The following CSMD3 variants were observed in gnomAD, a reference collection of about 807,000 sequenced individuals.
The protein encoded by CSMD3 is CUB and sushi domain-containing protein 3.
CSMD3 carries 177 observed loss-of-function variants against 435.2 expected under a neutral mutation model. The ratio of observed to expected loss-of-function variants is 0.41; its 90% CI spans 0.36 to 0.46. The LOEUF (loss-of-function observed/expected upper bound fraction) is 0.46, where lower values mean the gene tolerates loss of function less well. Among genes scored for constraint, CSMD3 ranks in the 20% least tolerant of loss-of-function variants. CSMD3 has a pLI of 0.34. For synonymous variants in CSMD3, 1,656 were observed against 1,520.5 expected, an observed-to-expected ratio of 1.09 and a Z score of -2.07; for missense variants, 4,265 against 4,504.6, an observed-to-expected ratio of 0.95 and a Z score of 1.52.
At chr8:112,707,147 T>A (rs1045881505) in intron 13 of CSMD3, among the ~76,000 whole-genome samples, 3 of 152,074 alleles carry the variant, frequency 2.0e-5, no homozygotes, top group Non-Finnish European at 2.9e-5. Context: ...AGCCCAATAG[T>A]CACCATCAAA....
intron 1 of CSMD3, among the ~76,000 whole-genome samples, chr8:113,390,293 A>G (rs1255218367): frequency 6.6e-6 from 1 of 151,728 alleles, no homozygotes; most frequent in Non-Finnish European, 1.5e-5. Context: ...TACACCCAAC[A>G]TATCAATGCC....
chr8:113,328,532 G>A (rs1253297086), intron 1 of CSMD3, among the ~76,000 whole-genome samples: 3 of 151,662 alleles, frequency 2.0e-5, no homozygotes, highest in Non-Finnish European at 4.4e-5. Context: ...GCAGAAGCTA[G>A]GATAGCCATG....
At chr8:112,382,291 CA>C (rs11384093) in intron 37 of CSMD3, among the ~76,000 whole-genome samples, 1,534 of 116,734 alleles carry the variant, frequency 0.013, 28 homozygotes, top group African/African-American at 0.042. Flanking sequence ...CTCTAAAATG[CA>C]AAAAAAAAAA....
At chr8:112,434,175 A>C (rs1317093334) in intron 32 of CSMD3, among the ~76,000 whole-genome samples, 3 of 152,164 alleles carry the variant, frequency 2.0e-5, no homozygotes, top group Admixed American at 1.3e-4. Flanking sequence ...CAAACTCACC[A>C]CTAAGATTCC....
At chr8:113,034,250 A>T (rs2087245001) in intron 5 of CSMD3, among the ~76,000 whole-genome samples, 1 of 151,634 alleles carries the variant, frequency 6.6e-6, no homozygotes. Flanking sequence ...AATTATTCAT[A>T]AATTTACAGC....
At chr8:113,278,448 T>C (rs1179041586) in intron 3 of CSMD3, 144 bp downstream of exon 3, 7 of 649,558 alleles carry the variant, frequency 1.1e-5, no homozygotes, top group African/African-American at 1.8e-5. Context: ...TTACTATACA[T>C]TAATGATTAA....
rs941836567 is a variant in CSMD3 at position 113,161,314 on chromosome 8, G to A, written c.709+12408C>T. On this transcript the variant is annotated intron_variant, in intron 4 of 70. Transcript: ENST00000297405. Reference sequence around the variant, plus strand: ...AAAGCTGTTACAGAAAATGGTTCTGGTTTACTAGGTTGTAATATCTATTCC... The same window carrying A: ...AAAGCTGTTACAGAAAATGGTTCTGATTTACTAGGTTGTAATATCTATTCC... 2.6e-5 allele frequency among the ~76,000 whole-genome samples: 4 copies of A among 152,074 alleles called. No homozygotes were observed. In the East Asian group the frequency reaches 7.7e-4, roughly 29 times the overall value.
At chr8:113,428,204 ATATCTATCTATC>A (rs36077177) in intron 1 of CSMD3, among the ~76,000 whole-genome samples, 21,238 of 146,132 alleles carry the variant, frequency 0.15, 1,662 homozygotes, top group Non-Finnish European at 0.17. Context: ...CAACTGTGGG[ATATCTATCTATC>A]TATCTATCTA....
intron 5 of CSMD3, among the ~76,000 whole-genome samples, chr8:113,067,781 G>A (rs2088925274): frequency 6.6e-6 from 1 of 152,068 alleles, no homozygotes; most frequent in Admixed American, 6.6e-5. Flanking sequence ...CAAGAAAAGA[G>A]TGCTAGCAGT....
chr8:112,909,330 A>G lies in CSMD3; in HGVS notation c.1633+12297T>C, dbSNP rs191691874. Among the ~76,000 whole-genome samples, 163 of 151,826 alleles carry G rather than the reference A, an allele frequency of 1.1e-3. 2 individuals are homozygous for G. Among genetic ancestry groups the G allele is most frequent in the African/African-American group, 3.7e-3 (153 of 41,518 alleles). ...CTTGCCCCAAACTAAAAAAATATGT[A>G]CTAGTAAAATAACACTTAAAAATCT... On this transcript the variant is annotated intron_variant, in intron 10 of 70. Coordinates refer to ENST00000297405, the MANE Select transcript of CSMD3 (RefSeq NM_198123.2).
chr8:113,256,043 A>G (rs924295166), intron 3 of CSMD3, among the ~76,000 whole-genome samples: 1 of 152,036 alleles, frequency 6.6e-6, no homozygotes. Context: ...AGATGCATTT[A>G]CTCAAATGAA....
chr8:113,124,155 A>C (rs1364102658), intron 4 of CSMD3, among the ~76,000 whole-genome samples: 1 of 152,050 alleles, frequency 6.6e-6, no homozygotes, highest in East Asian at 1.9e-4. Flanking sequence ...CATAGGAATG[A>C]AAAGAGCAAA....
chr8:112,725,308 G>A (rs2076939747), intron 13 of CSMD3, among the ~76,000 whole-genome samples: 1 of 151,902 alleles, frequency 6.6e-6, no homozygotes, highest in Non-Finnish European at 1.5e-5. Context: ...CTAGTGGAAA[G>A]GAGTAGCTTT....
At chr8:112,972,000 T>C (rs1327091308) in intron 7 of CSMD3, among the ~76,000 whole-genome samples, 3 of 152,064 alleles carry the variant, frequency 2.0e-5, no homozygotes, top group Non-Finnish European at 4.4e-5. Context: ...ATTTTACAGT[T>C]GTTATTTAAA....
chr8:113,324,273 T>C (rs2093968477), intron 1 of CSMD3, among the ~76,000 whole-genome samples: 1 of 152,136 alleles, frequency 6.6e-6, no homozygotes, highest in African/African-American at 2.4e-5. Flanking sequence ...CTCCAGGGCA[T>C]GTTGGAAGAC....
chr8:112,845,453 A>T (rs149054903), intron 11 of CSMD3, among the ~76,000 whole-genome samples: 3 of 152,156 alleles, frequency 2.0e-5, no homozygotes, highest in African/African-American at 7.2e-5. Flanking sequence ...AAGACTGGAG[A>T]TGTGTAAACA....
At chr8:113,355,566 C>T (rs925796860) in intron 1 of CSMD3, among the ~76,000 whole-genome samples, 3 of 151,588 alleles carry the variant, frequency 2.0e-5, no homozygotes, top group Admixed American at 6.6e-5. Context: ...CTAACCCTAA[C>T]TGTCTCCCAA....
chr8:112,501,613 G>A (rs980209898), intron 30 of CSMD3, among the ~76,000 whole-genome samples: 2 of 152,146 alleles, frequency 1.3e-5, no homozygotes, highest in East Asian at 3.9e-4. Context: ...AGCCTCTTTA[G>A]AGAATAATTC....
rs1411419244 is a variant in CSMD3 at position 112,689,616 on chromosome 8, A to G, written c.2155+252T>C. Among the ~76,000 whole-genome samples, 3 of 152,164 alleles carry G rather than the reference A, an allele frequency of 2.0e-5. No individual in the cohort carries two copies. In the East Asian group the frequency reaches 5.8e-4, roughly 29 times the overall value. ...TGCTCTCTAGAAAGTATAAAATGTC[A>G]TGAAATAAAATGTTGTAAGAACACA... On this transcript the variant is annotated intron_variant, in intron 14 of 70. Transcript: ENST00000297405.
Sources: allele counts gnomAD v4.1 joint callset (sites outside exome capture counted in the v4.1 genomes callset), GRCh38; gene constraint gnomAD v4.1.1; transcripts MANE v1.5; gene names NCBI Gene and HGNC (gene_info 2026-07-23, HGNC 2026-07-21).